Variants in DPP10 observed in about 807,000 individuals in gnomAD.
The protein encoded by DPP10 is dipeptidyl peptidase like 10.
DPP10 carries 33 observed loss-of-function variants against 120.9 expected under a neutral mutation model. That is an observed-to-expected ratio of 0.27 (90% CI 0.21 to 0.37). The LOEUF (loss-of-function observed/expected upper bound fraction) is 0.37. DPP10 is among the 10% of genes least tolerant of loss of function. DPP10 has a pLI of 1.00. For synonymous variants in DPP10, 337 were observed against 326.1 expected (o/e 1.03, Z -0.36); for missense variants, 816 against 942.8 (o/e 0.87, Z 1.76).
chr2:115,533,380 A>T (rs183294007), intron 5 of DPP10, among the ~76,000 whole-genome samples: 115 of 152,196 alleles, frequency 7.6e-4, no homozygotes, highest in African/African-American at 2.6e-3. Flanking sequence ...GCTCTGCAAA[A>T]GATCAGCATT....
intron 1 of DPP10, among the ~76,000 whole-genome samples, chr2:114,449,429 C>A (rs1333947630): frequency 6.6e-6 from 1 of 151,096 alleles, no homozygotes; most frequent in African/African-American, 2.4e-5. Context: ...TCCAAACAGG[C>A]TTATTTCTTG....
At chr2:114,879,529 A>G (rs1386548740) in intron 1 of DPP10, among the ~76,000 whole-genome samples, 1 of 152,202 alleles carries the variant, frequency 6.6e-6, no homozygotes, top group East Asian at 1.9e-4. Context: ...TTTCACTGCA[A>G]AAGCAAACAG....
At chr2:114,639,494 C>T (rs1695546988) in intron 1 of DPP10, among the ~76,000 whole-genome samples, 1 of 151,700 alleles carries the variant, frequency 6.6e-6, no homozygotes, top group Non-Finnish European at 1.5e-5. Context: ...ATTAGAGACA[C>T]CTAGAGTAGG....
chr2:115,436,123 A>G (rs1171067959), intron 3 of DPP10, among the ~76,000 whole-genome samples: 1 of 151,894 alleles, frequency 6.6e-6, no homozygotes, highest in Non-Finnish European at 1.5e-5. Flanking sequence ...AATGTTTTTC[A>G]GAGATATCAA....
chr2:114,936,567 C>G (rs538657835), intron 1 of DPP10, among the ~76,000 whole-genome samples: 1 of 152,102 alleles, frequency 6.6e-6, no homozygotes, highest in South Asian at 2.1e-4. Flanking sequence ...GTGCAAGTAT[C>G]TTTTTAATAT....
chr2:114,922,009 T>C (rs1446488332), intron 1 of DPP10, among the ~76,000 whole-genome samples: 5 of 152,260 alleles, frequency 3.3e-5, no homozygotes, highest in East Asian at 1.9e-4. Context: ...TGCAAAGTGC[T>C]ATAATCATAT....
chr2:115,308,004 T>G (rs1456188843), intron 1 of DPP10, among the ~76,000 whole-genome samples: 1 of 152,124 alleles, frequency 6.6e-6, no homozygotes, highest in Non-Finnish European at 1.5e-5. Flanking sequence ...AATGAAAGAC[T>G]AACTTAGAGC....
intron 1 of DPP10, among the ~76,000 whole-genome samples, chr2:114,834,957 CCATATCTACACACCTATGTATATAAAAGA>C (rs1558791984): frequency 5.1e-5 from 7 of 137,234 alleles, no homozygotes; most frequent in Admixed American, 7.0e-5. Context: ...TATATATAAG[CCATATCTACACACCTATGTATATAAAAGA>C]CATATCTACA....
chr2:115,219,433 C>A (rs930132192), intron 1 of DPP10, among the ~76,000 whole-genome samples: 2 of 152,044 alleles, frequency 1.3e-5, no homozygotes, highest in Admixed American at 6.6e-5. Flanking sequence ...TAAGTGTATA[C>A]ACACACACAA....
At chr2:114,999,661 G>C (rs945408493) in intron 1 of DPP10, among the ~76,000 whole-genome samples, 13 of 151,996 alleles carry the variant, frequency 8.6e-5, no homozygotes, top group Non-Finnish European at 1.6e-4. Context: ...AGACACCCTT[G>C]TCTGTCATCT....
At chr2:114,717,788 C>T (rs965373632) in intron 1 of DPP10, among the ~76,000 whole-genome samples, 5 of 152,210 alleles carry the variant, frequency 3.3e-5, no homozygotes, top group African/African-American at 9.6e-5. Context: ...TTAGAGAAAA[C>T]AGTACTTGAT....
At chr2:114,741,005 G>A (rs976035261) in intron 1 of DPP10, among the ~76,000 whole-genome samples, 2 of 152,130 alleles carry the variant, frequency 1.3e-5, no homozygotes, top group African/African-American at 2.4e-5. Context: ...TTTCCTGTGG[G>A]ATATGTGGAT....
intron 19 of DPP10, among the ~76,000 whole-genome samples, chr2:115,799,420 T>C (rs1216155437): frequency 6.6e-6 from 1 of 151,924 alleles, no homozygotes; most frequent in Admixed American, 6.6e-5. Flanking sequence ...TTCCTATGCT[T>C]TTATTTTTTC....
chr2:114,455,158 G>GTGTGTA lies in DPP10; in HGVS notation c.60+12325_60+12326insATGTGT, dbSNP rs1678496744. On this transcript the variant is annotated intron_variant, in intron 1 of 25. Transcript: ENST00000410059. ...TTTTTCAAGGGATTTTCTTTCTATTGTGTGTGTGTGTGTGTGTGTGTGTGT... is the reference window on the plus strand; with the variant it reads ...TTTTTCAAGGGATTTTCTTTCTATTGTGTGTATGTGTGTGTGTGTGTGTGTGTGTGT... Among the ~76,000 whole-genome samples the GTGTGTA allele has an allele frequency of 2.9e-5, 4 of 136,794 alleles. No individual in the cohort carries two copies. The South Asian group carries it at 8.6e-4, about 29-fold the overall frequency. 89.7% of individuals were successfully genotyped at this position (136,794 alleles called of 152,430 possible). A position where few individuals can be genotyped will look rare whatever the true frequency, so the allele number is the denominator to read the frequency against.
At chr2:115,690,515 C>T (rs1403284782) in intron 7 of DPP10, among the ~76,000 whole-genome samples, 3 of 152,164 alleles carry the variant, frequency 2.0e-5, no homozygotes, top group Non-Finnish European at 4.4e-5. Context: ...CAGGTTTAAG[C>T]AATTCTTGTG....
At chr2:115,436,381 A>G (rs927125511) in intron 3 of DPP10, among the ~76,000 whole-genome samples, 5 of 143,274 alleles carry the variant, frequency 3.5e-5, no homozygotes, top group Admixed American at 7.2e-5. Context: ...AAATCTAGAG[A>G]CAAGCACATT....
intron 3 of DPP10, among the ~76,000 whole-genome samples, chr2:115,363,494 C>T (rs1178169387): frequency 6.6e-6 from 1 of 152,254 alleles, no homozygotes. Context: ...AGAGAAGGAA[C>T]ATATCTGTGA....
intron 4 of DPP10, among the ~76,000 whole-genome samples, chr2:115,510,710 T>C (rs1229720885): frequency 3.9e-5 from 6 of 152,192 alleles, no homozygotes; most frequent in Non-Finnish European, 8.8e-5. Context: ...ATGGTGATTA[T>C]ATTGCTTATG....
chr2:115,530,151 T>C lies in DPP10; in HGVS notation c.441+4179T>C, dbSNP rs184133492. Among the ~76,000 whole-genome samples the C allele has an allele frequency of 2.3e-3, 349 of 152,216 alleles. 8 individuals are homozygous for C. The highest frequency in any genetic ancestry group is 4.6e-4 in the Non-Finnish European group (31 of 68,004). Reference sequence around the variant, plus strand: ...ATTTAAATAAATTTTAGAAACTTTATTTCACCATTTTATATCATTTCATTT... The same window carrying C: ...ATTTAAATAAATTTTAGAAACTTTACTTCACCATTTTATATCATTTCATTT... On this transcript the variant is annotated intron_variant, in intron 5 of 25. Coordinates refer to ENST00000410059, the MANE Select transcript of DPP10 (RefSeq NM_020868.6).
Sources: allele counts gnomAD v4.1 joint callset (sites outside exome capture counted in the v4.1 genomes callset), GRCh38; gene constraint gnomAD v4.1.1; transcripts MANE v1.5; gene names NCBI Gene and HGNC (gene_info 2026-07-23, HGNC 2026-07-21).